Variants in CFAP20DC observed in about 807,000 individuals in gnomAD.
CFAP20DC encodes protein CFAP20DC.
Under a neutral mutation model 101.7 loss-of-function variants are expected in CFAP20DC, and 84 were observed. That is an observed-to-expected ratio of 0.83 (90% CI 0.69 to 0.99). The LOEUF is 0.99. Ranked by LOEUF, CFAP20DC falls within the 50% of genes least tolerant of loss-of-function variation. The pLI is 0.00. For synonymous variants in CFAP20DC, 359 were observed against 351.2 expected (o/e 1.02, Z -0.25); for missense variants, 1,007 against 970.3 (o/e 1.04, Z -0.50).
chr3:58,835,579 C>T (rs1265998164), intron 13 of CFAP20DC, among the ~76,000 whole-genome samples: 1 of 152,194 alleles, frequency 6.6e-6, no homozygotes, highest in Non-Finnish European at 1.5e-5. Context: ...TAAAATGCTG[C>T]ATTTCCATGA....
rs1452937328 is a variant in CFAP20DC at position 58,816,675 on chromosome 3, T to A, written c.2176-10219A>T. On this transcript the variant is annotated intron_variant, in intron 14 of 16. Coordinates refer to ENST00000482387, the MANE Select transcript of CFAP20DC (RefSeq NM_001394063.1). ...ATCTTGCTGATTGCTAGCACAGCAG[T>A]CTGAGATCAAACTGCAAGGTGGAAG... 5.3e-5 allele frequency among the ~76,000 whole-genome samples: 8 copies of A among 152,210 alleles called. No individual in the cohort carries two copies. The East Asian group carries it at 1.5e-3, about 29-fold the overall frequency.
chr3:58,799,478 A>G lies in CFAP20DC; in HGVS notation c.2237+6917T>C, dbSNP rs2073508211. ...ATACAGGTGCTCATGGGCTCCAGCT[A>G]GTGGAATACACAGTGACGTAGCTAG... On this transcript the variant is annotated intron_variant, in intron 15 of 16. Transcript: ENST00000482387. This position sits in a 1 kb window ranked among gnomAD's most constrained non-coding sequence, Gnocchi z 4.9. Among the ~76,000 whole-genome samples, 1 of 152,182 alleles carries G rather than the reference A, an allele frequency of 6.6e-6. No individual in the cohort carries two copies. Among genetic ancestry groups the G allele is most frequent in the Admixed American group, 6.5e-5 (1 of 15,278 alleles).
chr3:58,878,460 A>G (rs1412435237), intron 7 of CFAP20DC, among the ~76,000 whole-genome samples: 1 of 152,242 alleles, frequency 6.6e-6, no homozygotes, highest in East Asian at 1.9e-4. Flanking sequence ...AATTTATTAA[A>G]AAGTCAGAAT....
chr3:58,903,045 A>G (rs2083285446), intron 6 of CFAP20DC, among the ~76,000 whole-genome samples: 1 of 152,202 alleles, frequency 6.6e-6, no homozygotes, highest in Admixed American at 6.5e-5. Context: ...TATATAAACC[A>G]GGATACATAT....
chr3:58,996,367 T>C (rs2093134642), intron 4 of CFAP20DC, among the ~76,000 whole-genome samples: 1 of 152,206 alleles, frequency 6.6e-6, no homozygotes, highest in African/African-American at 2.4e-5. Flanking sequence ...GCTGCCTTTA[T>C]CTACTCTTCC....
chr3:58,983,853 T>C (rs984895289), intron 4 of CFAP20DC, among the ~76,000 whole-genome samples: 3 of 152,184 alleles, frequency 2.0e-5, no homozygotes, highest in Non-Finnish European at 4.4e-5. Flanking sequence ...GTAACCTACC[T>C]AGGATCACAT....
chr3:58,870,410 C>A, intron 7 of CFAP20DC, 101 bp from the exon 8 acceptor site: 1 of 1,115,612 alleles, frequency 9.0e-7, no homozygotes, highest in Non-Finnish European at 1.3e-6. Context: ...CCATAGGATC[C>A]AAATCCCCCC....
At chr3:59,048,176 T>C (rs1319818857) in intron 1 of CFAP20DC, among the ~76,000 whole-genome samples, 2 of 152,178 alleles carry the variant, frequency 1.3e-5, no homozygotes, top group African/African-American at 4.8e-5. Flanking sequence ...GAAGAATTTA[T>C]TGCAAAAAAT....
chr3:58,984,530 G>T (rs563209893), intron 4 of CFAP20DC, among the ~76,000 whole-genome samples: 11 of 152,128 alleles, frequency 7.2e-5, no homozygotes, highest in Non-Finnish European at 1.2e-4. Context: ...AACTTTAGAG[G>T]GTCTTGCCTT....
chr3:58,824,005 GAAC>G (rs1262763218), intron 14 of CFAP20DC, among the ~76,000 whole-genome samples: 1 of 152,092 alleles, frequency 6.6e-6, no homozygotes. Context: ...ACTAAACACA[GAAC>G]AACTTGCACA....
chr3:58,801,679 TACA>T (rs776231122), intron 15 of CFAP20DC, among the ~76,000 whole-genome samples: 48 of 151,848 alleles, frequency 3.2e-4, no homozygotes, highest in Admixed American at 1.4e-3. Context: ...CCACACGGGT[TACA>T]ACGACAGGCC....
chr3:58,856,702 AT>A (rs2078862765), intron 12 of CFAP20DC, among the ~76,000 whole-genome samples: 2 of 152,244 alleles, frequency 1.3e-5, no homozygotes, highest in African/African-American at 4.8e-5. Context: ...GAGATAAAGA[AT>A]AAAAGCTTAG....
chr3:58,880,856 T>C (rs1235783568), intron 7 of CFAP20DC, among the ~76,000 whole-genome samples: 2 of 152,170 alleles, frequency 1.3e-5, no homozygotes, highest in African/African-American at 2.4e-5. Context: ...ACTGAGTTTA[T>C]TGTGAATTTT....
At chr3:58,765,912 C>A (rs898342626) in intron 15 of CFAP20DC, among the ~76,000 whole-genome samples, 4 of 152,078 alleles carry the variant, frequency 2.6e-5, no homozygotes, top group African/African-American at 9.7e-5. Flanking sequence ...TTCATAGATT[C>A]TTATTAAAAG....
intron 5 of CFAP20DC, among the ~76,000 whole-genome samples, chr3:58,921,830 T>C (rs559603993): frequency 6.6e-6 from 1 of 152,194 alleles, no homozygotes; most frequent in Non-Finnish European, 1.5e-5. Flanking sequence ...ATATTTACCA[T>C]TCTGTGTTTA....
chr3:58,831,523 T>A (rs1174322690), intron 14 of CFAP20DC, among the ~76,000 whole-genome samples, 163 bp downstream of exon 14: 1 of 152,242 alleles, frequency 6.6e-6, no homozygotes, highest in Non-Finnish European at 1.5e-5. Context: ...CATCTTCTAA[T>A]TTCTGTCCTT....
intron 4 of CFAP20DC, among the ~76,000 whole-genome samples, chr3:58,983,596 T>C (rs759969236): frequency 6.6e-6 from 1 of 152,150 alleles, no homozygotes; most frequent in Non-Finnish European, 1.5e-5. Context: ...GATTTGCTTA[T>C]TGGAAATAGG....
chr3:58,756,299 A>C (rs1239129057), intron 15 of CFAP20DC, among the ~76,000 whole-genome samples: 1 of 152,086 alleles, frequency 6.6e-6, no homozygotes. Context: ...GAAGTTACCG[A>C]AAGTAGCTTC....
chr3:58,879,129 T>C (rs572514019), intron 7 of CFAP20DC, among the ~76,000 whole-genome samples: 1 of 152,220 alleles, frequency 6.6e-6, no homozygotes, highest in Non-Finnish European at 1.5e-5. Context: ...AAATAGTGAT[T>C]ACTGAGTAGA....
Sources: allele counts gnomAD v4.1 joint callset (sites outside exome capture counted in the v4.1 genomes callset), GRCh38; gene constraint gnomAD v4.1.1; non-coding constraint Gnocchi (gnomAD v3.1); transcripts MANE v1.5; gene names NCBI Gene and HGNC (gene_info 2026-07-23, HGNC 2026-07-21).